The following PTPRU variants were observed in gnomAD, a reference collection of about 807,000 sequenced individuals.
The protein encoded by PTPRU is receptor-type tyrosine-protein phosphatase U.
A neutral mutation model predicts 166.3 loss-of-function variants in PTPRU; 69 were observed. The ratio of observed to expected loss-of-function variants is 0.41; its 90% CI spans 0.34 to 0.51. The LOEUF (loss-of-function observed/expected upper bound fraction) is 0.51. PTPRU is among the 20% of genes least tolerant of loss of function. PTPRU has a pLI of 0.09. For synonymous variants in PTPRU, 793 were observed against 814.0 expected, an observed-to-expected ratio of 0.97 and a Z score of 0.44; for missense variants, 1,657 against 2,013.7, an observed-to-expected ratio of 0.82 and a Z score of 3.39.
chr1:29,288,625 G>A (rs533137867), intron 14 of PTPRU, among the ~76,000 whole-genome samples: 3 of 152,216 alleles, frequency 2.0e-5, no homozygotes, highest in Admixed American at 6.5e-5. Context: ...TTGCTGGTCC[G>A]TCTTCCGCTC....
At chr1:29,263,749 C>T (rs912218416) in intron 7 of PTPRU, among the ~76,000 whole-genome samples, 1 of 152,082 alleles carries the variant, frequency 6.6e-6, no homozygotes, top group African/African-American at 2.4e-5. Flanking sequence ...AATGATATAT[C>T]GAGCATTTTT....
chr1:29,293,567 C>T (rs938813622), intron 15 of PTPRU, among the ~76,000 whole-genome samples: 9 of 151,978 alleles, frequency 5.9e-5, no homozygotes, highest in South Asian at 2.1e-4. Flanking sequence ...CTCCGCCTCC[C>T]GCATTCATGC....
intron 25 of PTPRU, 149 bp downstream of exon 25, chr1:29,318,070 C>G: frequency 1.8e-6 from 2 of 1,090,180 alleles, no homozygotes; most frequent in Non-Finnish European, 2.6e-6. Flanking sequence ...CCTCCTACTC[C>G]TAGGGAGCTT....
intron 11 of PTPRU, among the ~76,000 whole-genome samples, chr1:29,281,624 T>G (rs755829864): frequency 6.6e-6 from 1 of 152,066 alleles, no homozygotes; most frequent in Non-Finnish European, 1.5e-5. Context: ...TACCTCCTGG[T>G]GGGATTTAGG....
rs199511118 is a variant in PTPRU, at chr1:29,325,642, A to T, written c.4292A>T (p.Glu1431Val). 71 of 1,610,218 alleles carry T rather than the reference A, an allele frequency of 4.4e-5. No homozygotes were observed. The highest frequency in any genetic ancestry group is 6.8e-6 in the Non-Finnish European group (8 of 1,177,982). Residue 1431 changes from glutamate (E) to valine (V), a missense_variant, in exon 30 of 30, where the codon GAG becomes GTG. By Grantham distance (121) the Glu-to-Val change is moderately radical. Around this residue, in one of 3 missense-constraint regions of PTPRU, gnomAD observed 1,190 missense variants for 1,477.4 expected, o/e 0.81. Coordinates refer to ENST00000373779, the MANE Select transcript of PTPRU (RefSeq NM_133178.4). ...TACGATGTGGCCCTGGAGTACTTGG[A>T]GGGGCTGGAGTCAAGATAGCGGGGC... ...FCYDVALEYL[E>V]GLESR
At chr1:29,259,599 G>GCCCACCC in intron 5 of PTPRU, 35 bp downstream of exon 5, 1 of 1,467,292 alleles carries the variant, frequency 6.8e-7, no homozygotes, top group Non-Finnish European at 9.3e-7. Flanking sequence ...TGGGGGCGGG[G>GCCCACCC]TGGGAGGGGG....
In PTPRU at chr1:29,279,728, G is replaced by A; in HGVS notation, c.1765+71G>A. Reference sequence around the variant, plus strand: ...AATCCCAGGGTTCCATGGGCAGAAGGGAAATGGGGGGCATCCTGGGGGTAG... The same window carrying A: ...AATCCCAGGGTTCCATGGGCAGAAGAGAAATGGGGGGCATCCTGGGGGTAG... On this transcript the variant is annotated intron_variant, in intron 10 of 29. Coordinates refer to ENST00000373779, the MANE Select transcript of PTPRU (RefSeq NM_133178.4). The surrounding 1 kb of genome is among the most constrained non-coding windows in gnomAD (Gnocchi z 5.2). The A allele has an allele frequency of 5.3e-6, 8 of 1,520,644 alleles. No homozygotes were observed. The highest frequency in any genetic ancestry group is 4.5e-6 in the Non-Finnish European group (5 of 1,107,718). 94.2% of individuals were successfully genotyped at this position (1,520,644 alleles called of 1,614,324 possible). A position where few individuals can be genotyped will look rare whatever the true frequency, so the allele number is the denominator to read the frequency against.
At chr1:29,268,396 G>A (rs909217806) in intron 7 of PTPRU, among the ~76,000 whole-genome samples, 1 of 152,188 alleles carries the variant, frequency 6.6e-6, no homozygotes, top group Non-Finnish European at 1.5e-5. Context: ...CAACTGGGTG[G>A]CGGCAATGGG....
At chr1:29,247,259 C>T (rs879507839) in intron 1 of PTPRU, among the ~76,000 whole-genome samples, 1 of 152,248 alleles carries the variant, frequency 6.6e-6, no homozygotes, top group Admixed American at 6.5e-5. Context: ...ACTGCAGTGG[C>T]GCGGTGTGCC....
intron 15 of PTPRU, among the ~76,000 whole-genome samples, chr1:29,303,638 G>A (rs536732683): frequency 6.6e-6 from 1 of 152,312 alleles, no homozygotes; most frequent in South Asian, 2.1e-4. Flanking sequence ...CACCTGATCT[G>A]ACCGGCTCAT....
chr1:29,277,959 T>C (rs1013152016), intron 8 of PTPRU, among the ~76,000 whole-genome samples: 3 of 151,742 alleles, frequency 2.0e-5, no homozygotes, highest in South Asian at 2.1e-4. Context: ...ACTGGGATTA[T>C]AGGCACCTAC....
chr1:29,305,399 G>A lies in PTPRU; in HGVS notation c.2791G>A (p.Ala931Thr), dbSNP rs1266062665. 5.0e-6 allele frequency: 8 copies of A among 1,613,824 alleles called. No individual in the cohort carries two copies. The highest frequency in any genetic ancestry group is 1.6e-4 in the Middle Eastern group (1 of 6,084). ...GCACCCGATGCTGGGAGACCCCAAT[G>A]CCGACTACATTAATGCCAACTACAT... ...KLHPMLGDPN[A>T]DYINANYIDG... The change falls in exon 18 of 30, where the codon GCC becomes ACC. Residue 931 changes from alanine to threonine, a missense_variant. By Grantham distance (58) the Ala-to-Thr change is moderately conservative. Coordinates refer to ENST00000373779, the MANE Select transcript of PTPRU (RefSeq NM_133178.4).
At position 29,315,953 on chromosome 1, in the gene PTPRU, C is replaced by T. The variant is rs748392412; in HGVS notation, c.3364-49C>T. ...TTGCTTAAGCCCCATCACCACAGAT[C>T]TCCAGCTTCTAGGCCCCTCCTCGGC... On this transcript the variant is annotated intron_variant, in intron 23 of 29. Coordinates refer to ENST00000373779, the MANE Select transcript of PTPRU (RefSeq NM_133178.4). The surrounding 1 kb of genome is among the most constrained non-coding windows in gnomAD (Gnocchi z 4.5). 8 of 1,602,962 alleles carry T rather than the reference C, an allele frequency of 5.0e-6. No individual in the cohort carries two copies. The East Asian group carries it at 1.8e-4, about 36-fold the overall frequency.
intron 7 of PTPRU, among the ~76,000 whole-genome samples, chr1:29,268,857 A>C (rs11804788): frequency 0.021 from 3,126 of 152,306 alleles, 32 homozygotes; most frequent in Middle Eastern, 0.095. Flanking sequence ...GGCTGTGATC[A>C]GACAGTGGGT....
Position 29,283,025 on chromosome 1 carries a change from G to A in PTPRU, c.2142+76G>A, listed in dbSNP as rs1686161463. 4 of 1,558,348 alleles carry A rather than the reference G, an allele frequency of 2.6e-6. No homozygotes were observed. The South Asian group carries it at 3.6e-5, about 14-fold the overall frequency. ...GCAGACAGGAGATACCTTGGAGCAGGCCCAGCGCAGACTCCAGGCCCGGCA... is the reference window on the plus strand; with the variant it reads ...GCAGACAGGAGATACCTTGGAGCAGACCCAGCGCAGACTCCAGGCCCGGCA... On this transcript the variant is annotated intron_variant, in intron 12 of 29. Transcript: ENST00000373779.
At chr1:29,314,328 A>G (rs1687799479) in intron 22 of PTPRU, among the ~76,000 whole-genome samples, 1 of 152,198 alleles carries the variant, frequency 6.6e-6, no homozygotes, top group Non-Finnish European at 1.5e-5. Context: ...GAGCAGTTTT[A>G]CAAGGGGGTT....
chr1:29,282,642 C>G, intron 11 of PTPRU, 34 bp from the exon 12 acceptor site: 2 of 1,590,926 alleles, frequency 1.3e-6, no homozygotes, highest in Non-Finnish European at 1.7e-6. Context: ...CTCTGGCCGC[C>G]TGTGATCCCC....
intron 13 of PTPRU, 64 bp downstream of exon 13, chr1:29,284,040 G>A (rs1420133491): frequency 1.0e-5 from 16 of 1,595,306 alleles, no homozygotes; most frequent in Non-Finnish European, 1.2e-5. Context: ...GCGCTGGGGA[G>A]GTGGATCCTG....
chr1:29,256,430 A>G (rs1684774355), intron 2 of PTPRU, among the ~76,000 whole-genome samples: 1 of 152,232 alleles, frequency 6.6e-6, no homozygotes, highest in Non-Finnish European at 1.5e-5. Context: ...ACTAGTGCCC[A>G]GGGTGTTTAC....
Sources: gnomAD v4.1 joint callset for allele counts (sites outside exome capture counted in the v4.1 genomes callset) on GRCh38, gnomAD v4.1.1 for gene constraint, gnomAD v4.1.1 regional missense constraint, Gnocchi (gnomAD v3.1) non-coding constraint, MANE v1.5 for transcripts, NCBI Gene and HGNC (gene_info 2026-07-23, HGNC 2026-07-21) for gene names.